The following ZNF892 variants were observed in gnomAD, a reference collection of about 807,000 sequenced individuals.
The protein encoded by ZNF892 is zinc finger protein 570-like.
chr2:95,233,422 C>T, the ZNF892 span, among the ~76,000 whole-genome samples: 1 of 151,256 alleles, frequency 6.6e-6, no homozygotes, highest in African/African-American at 2.4e-5. Flanking sequence ...GCCTGTAATC[C>T]CAGCACTTTG....
chr2:95,260,595 A>T, the ZNF892 span, among the ~76,000 whole-genome samples: 1 of 152,188 alleles, frequency 6.6e-6, no homozygotes, highest in Non-Finnish European at 1.5e-5. Context: ...CCCCTAGGAC[A>T]TTGCCAGTCT....
At chr2:95,224,573 A>T in the ZNF892 span, among the ~76,000 whole-genome samples, 1 of 152,126 alleles carries the variant, frequency 6.6e-6, no homozygotes. Context: ...ACCAGATCTC[A>T]TGAGAACTCT....
At chr2:95,252,415 T>A in the ZNF892 span, among the ~76,000 whole-genome samples, 1 of 152,146 alleles carries the variant, frequency 6.6e-6, no homozygotes, top group African/African-American at 2.4e-5. Context: ...GGACATGAAC[T>A]CATCATTTTT....
chr2:95,239,701 C>T, the ZNF892 span, among the ~76,000 whole-genome samples: 1 of 152,118 alleles, frequency 6.6e-6, no homozygotes, highest in Non-Finnish European at 1.5e-5. Flanking sequence ...AATCTTGGCT[C>T]ACTGCAACCT....
At chr2:95,237,311 C>G in the ZNF892 span, among the ~76,000 whole-genome samples, 58 of 152,170 alleles carry the variant, frequency 3.8e-4, no homozygotes, top group African/African-American at 1.4e-3. Context: ...CCATGCCTGG[C>G]TAATTTTTGT....
At chr2:95,224,004 A>G in the ZNF892 span, among the ~76,000 whole-genome samples, 12 of 152,216 alleles carry the variant, frequency 7.9e-5, no homozygotes, top group Non-Finnish European at 1.5e-4. Flanking sequence ...GGCCCCAAAC[A>G]GATCACTCAC....
the ZNF892 span, among the ~76,000 whole-genome samples, chr2:95,219,687 A>G: frequency 1.3e-5 from 2 of 152,256 alleles, no homozygotes; most frequent in South Asian, 2.1e-4. Flanking sequence ...TTGGTATCCT[A>G]TTTAAGTCTT....
the ZNF892 span, chr2:95,215,404 G>C: frequency 2.3e-6 from 1 of 440,118 alleles, no homozygotes; most frequent in South Asian, 8.6e-5. Flanking sequence ...TTCAGCCAGA[G>C]CTCATCTCTT....
chr2:95,241,271 G>A, the ZNF892 span, among the ~76,000 whole-genome samples: 4 of 152,248 alleles, frequency 2.6e-5, no homozygotes, highest in African/African-American at 9.6e-5. Flanking sequence ...CTGGGATGGA[G>A]CTTCCAGAGT....
chr2:95,233,204 CT>C, the ZNF892 span, among the ~76,000 whole-genome samples: 161 of 143,406 alleles, frequency 1.1e-3, no homozygotes, highest in Middle Eastern at 3.6e-3. Flanking sequence ...TTTTCCTTTT[CT>C]TTTTTTTTTT....
the ZNF892 span, among the ~76,000 whole-genome samples, chr2:95,210,448 A>G: frequency 4.5e-4 from 69 of 152,264 alleles, no homozygotes; most frequent in African/African-American, 1.5e-3. Context: ...AACAGATTCA[A>G]AAGAGCATTA....
the ZNF892 span, among the ~76,000 whole-genome samples, chr2:95,237,698 C>T: frequency 6.6e-6 from 1 of 152,208 alleles, no homozygotes; most frequent in African/African-American, 2.4e-5. Flanking sequence ...AGGCCTGTTG[C>T]ACCAAACAGT....
At chr2:95,232,610 G>A in the ZNF892 span, among the ~76,000 whole-genome samples, 3 of 152,302 alleles carry the variant, frequency 2.0e-5, no homozygotes, top group South Asian at 6.2e-4. Flanking sequence ...TAGTGTACTT[G>A]GTGACATTGG....
the ZNF892 span, among the ~76,000 whole-genome samples, chr2:95,248,501 GA>G: frequency 6.6e-6 from 1 of 152,126 alleles, no homozygotes; most frequent in East Asian, 1.9e-4. Context: ...AACAACAGAT[GA>G]AATTATATTT....
At chr2:95,238,801 A>G in the ZNF892 span, among the ~76,000 whole-genome samples, 1 of 152,168 alleles carries the variant, frequency 6.6e-6, no homozygotes, top group Non-Finnish European at 1.5e-5. Flanking sequence ...CAGTGAAGGA[A>G]GTAATTGATG....
At chr2:95,206,982 C>T in the ZNF892 span, among the ~76,000 whole-genome samples, 1 of 152,100 alleles carries the variant, frequency 6.6e-6, no homozygotes, top group South Asian at 2.1e-4. Flanking sequence ...CTCCAGCCTC[C>T]TTGGGGCAGC....
At chr2:95,227,190 G>A in the ZNF892 span, among the ~76,000 whole-genome samples, 1 of 137,018 alleles carries the variant, frequency 7.3e-6, no homozygotes, top group Non-Finnish European at 1.5e-5. Flanking sequence ...TTTCTTTCTA[G>A]CACATCTGCT....
the ZNF892 span, among the ~76,000 whole-genome samples, chr2:95,240,980 TA>T: frequency 6.6e-6 from 1 of 152,206 alleles, no homozygotes; most frequent in Non-Finnish European, 1.5e-5. Context: ...GCCAGGGTTA[TA>T]CGAACAGAGC....
At chr2:95,233,907 T>C in the ZNF892 span, among the ~76,000 whole-genome samples, 1 of 151,662 alleles carries the variant, frequency 6.6e-6, no homozygotes, top group Non-Finnish European at 1.5e-5. Flanking sequence ...CTGGAACTCC[T>C]AAGCTCAAGT....
Sources: allele counts gnomAD v4.1 joint callset (sites outside exome capture counted in the v4.1 genomes callset), GRCh38; gene constraint gnomAD v4.1.1; transcripts MANE v1.5; gene names NCBI Gene and HGNC (gene_info 2026-07-23, HGNC 2026-07-21).